EIF4G3: variants seen among roughly 807,000 people sequenced by gnomAD.
EIF4G3 encodes eukaryotic translation initiation factor 4 gamma 3.
Under a neutral mutation model 186.4 loss-of-function variants are expected in EIF4G3, and 34 were observed. The ratio of observed to expected loss-of-function variants is 0.18; its 90% CI spans 0.14 to 0.24. EIF4G3 has a LOEUF of 0.24. Among genes scored for constraint, EIF4G3 ranks in the 10% least tolerant of loss-of-function variants. The pLI, the probability that EIF4G3 is intolerant of heterozygous loss-of-function variation, is 1.00. For missense variants in EIF4G3, 1,536 were observed against 1,948.5 expected (o/e 0.79, Z 3.99); for synonymous variants, 673 against 679.5 (o/e 0.99, Z 0.15).
chr1:20,813,291 C>G, intron 34 of EIF4G3, 52 bp from the exon 35 acceptor site: 1 of 1,371,714 alleles, frequency 7.3e-7, no homozygotes. Flanking sequence ...CAGCCAGGCA[C>G]AGAGGCTCAT....
intron 3 of EIF4G3, among the ~76,000 whole-genome samples, chr1:21,053,111 G>A (rs2094343534): frequency 6.6e-6 from 1 of 151,858 alleles, no homozygotes; most frequent in Non-Finnish European, 1.5e-5. Context: ...TCTCTGCCCG[G>A]CCGCCATCCC....
At chr1:21,145,910 T>C (rs1025321014) in intron 2 of EIF4G3, among the ~76,000 whole-genome samples, 7 of 152,154 alleles carry the variant, frequency 4.6e-5, no homozygotes, top group Non-Finnish European at 8.8e-5. Context: ...CAAGACCTCA[T>C]CTCTACAAAA....
At chr1:21,081,936 G>T (rs560414298) in intron 3 of EIF4G3, among the ~76,000 whole-genome samples, 2 of 151,748 alleles carry the variant, frequency 1.3e-5, no homozygotes, top group Non-Finnish European at 2.9e-5. Flanking sequence ...AGCCAACCAC[G>T]CACAGCCCCA....
chr1:20,889,769 C>T (rs1228962670), intron 18 of EIF4G3, among the ~76,000 whole-genome samples: 3 of 152,112 alleles, frequency 2.0e-5, no homozygotes, highest in Non-Finnish European at 4.4e-5. Context: ...GAATTACAGG[C>T]GTGAACCACC....
At chr1:20,833,720 A>G (rs1007721152) in intron 30 of EIF4G3, among the ~76,000 whole-genome samples, 28 of 152,334 alleles carry the variant, frequency 1.8e-4, no homozygotes, top group Non-Finnish European at 2.1e-4. Context: ...ATATCAATAG[A>G]TGCAGAAAAA....
Position 20,865,251 on chromosome 1 carries a change from G to A in EIF4G3, c.2634C>T (p.Pro878=), listed in dbSNP as rs2077299143. 6.2e-7 allele frequency: 1 copy of A among 1,613,578 alleles called. No homozygotes were observed. The highest frequency in any genetic ancestry group is 1.3e-5 in the African/African-American group (1 of 74,844). ...CTGTGTTACCAGGCTTGTCTGCCAT[G>A]GGTACTTTCAGCTACATCCAGACAG... ...MCRCLVTLKV[P]MADKPGNTVN... Residue 878 remains proline, a synonymous_variant, in exon 21 of 37, where the codon CCC becomes CCT. Transcript: ENST00000602326.
At chr1:20,956,419 CAG>C (rs956689218) in intron 12 of EIF4G3, among the ~76,000 whole-genome samples, 1 of 152,008 alleles carries the variant, frequency 6.6e-6, no homozygotes, top group African/African-American at 2.4e-5. Context: ...AAGACAGAAG[CAG>C]AGAGATGAGT....
chr1:20,952,028 G>C lies in EIF4G3; in HGVS notation c.715-1917C>G, dbSNP rs928618143. ...GTATATAGCCACAAATGCTGGGAAA[G>C]TACTTCTCAGGTCTCACAGCTATGA... is the stretch of plus-strand genomic sequence containing the variant. On this transcript the variant is annotated intron_variant, in intron 12 of 36. Coordinates refer to ENST00000602326, the MANE Select transcript of EIF4G3 (RefSeq NM_001391906.1). Among the ~76,000 whole-genome samples the C allele has an allele frequency of 9.9e-5, 15 of 152,178 alleles. No homozygotes were observed. In the East Asian group the frequency reaches 2.5e-3, roughly 25 times the overall value.
At chr1:21,141,153 C>T (rs1286508961) in intron 2 of EIF4G3, among the ~76,000 whole-genome samples, 3 of 151,772 alleles carry the variant, frequency 2.0e-5, no homozygotes, top group Non-Finnish European at 4.4e-5. Context: ...AATAGAAAAC[C>T]CCAGTGCACA....
intron 4 of EIF4G3, among the ~76,000 whole-genome samples, chr1:21,033,110 T>C (rs2092880799): frequency 1.3e-5 from 2 of 152,318 alleles, no homozygotes; most frequent in Non-Finnish European, 2.9e-5. Flanking sequence ...GACATCAAGG[T>C]AATCACCATG....
intron 14 of EIF4G3, among the ~76,000 whole-genome samples, chr1:20,925,592 G>A (rs1006801572): frequency 6.6e-6 from 1 of 152,158 alleles, no homozygotes; most frequent in Admixed American, 6.5e-5. Context: ...GGAGTGTGGT[G>A]ACACCATCAT....
intron 14 of EIF4G3, among the ~76,000 whole-genome samples, chr1:20,921,135 A>G (rs959388147): frequency 6.6e-6 from 1 of 152,200 alleles, no homozygotes; most frequent in African/African-American, 2.4e-5. Flanking sequence ...TAAATATACC[A>G]TATGCATAAA....
intron 14 of EIF4G3, among the ~76,000 whole-genome samples, chr1:20,923,587 A>G (rs2094639921): frequency 6.6e-6 from 1 of 152,076 alleles, no homozygotes; most frequent in Non-Finnish European, 1.5e-5. Context: ...AACACTTTTC[A>G]TCTCCAAATA....
intron 7 of EIF4G3, among the ~76,000 whole-genome samples, chr1:20,984,834 C>T (rs987550842): frequency 3.3e-5 from 5 of 152,072 alleles, no homozygotes; most frequent in Admixed American, 1.3e-4. Flanking sequence ...GTGATCCGCC[C>T]GCCTCGGCCT....
chr1:20,865,391 T>C, intron 20 of EIF4G3, 129 bp from the exon 21 acceptor site: 1 of 940,852 alleles, frequency 1.1e-6, no homozygotes, highest in South Asian at 1.8e-5. Context: ...AGGCAAACAA[T>C]ATAGCTTCAG....
intron 2 of EIF4G3, among the ~76,000 whole-genome samples, chr1:21,173,617 G>A (rs549649723): frequency 7.2e-5 from 11 of 152,236 alleles, no homozygotes; most frequent in South Asian, 2.1e-4. Flanking sequence ...GAATCCAGCC[G>A]GCGTAGGTTG....
chr1:20,864,094 T>C lies in EIF4G3; in HGVS notation c.3006+382A>G, dbSNP rs567200716. 3.5e-3 allele frequency among the ~76,000 whole-genome samples: 529 copies of C among 152,380 alleles called. 1 individual carries two copies. The highest frequency in any genetic ancestry group is 5.7e-3 in the Non-Finnish European group (386 of 68,040). Reference sequence around the variant, plus strand: ...AATGATTTCTTATATTATGGTTAGATGGCTGTGTCATCAATTAGAGTATAA... The same window carrying C: ...AATGATTTCTTATATTATGGTTAGACGGCTGTGTCATCAATTAGAGTATAA... On this transcript the variant is annotated intron_variant, in intron 22 of 36. Transcript: ENST00000602326.
chr1:21,049,439 G>A (rs2094090373), intron 4 of EIF4G3, among the ~76,000 whole-genome samples: 1 of 152,136 alleles, frequency 6.6e-6, no homozygotes, highest in Non-Finnish European at 1.5e-5. Context: ...TTCAGTCTAA[G>A]AAACCCAACA....
At chr1:21,159,801 C>G (rs1165557920) in intron 2 of EIF4G3, among the ~76,000 whole-genome samples, 1 of 150,888 alleles carries the variant, frequency 6.6e-6, no homozygotes, top group South Asian at 2.1e-4. Context: ...ACTATCTCTA[C>G]AAAAAACTGA....
Sources: gnomAD v4.1 joint callset for allele counts (sites outside exome capture counted in the v4.1 genomes callset) on GRCh38, gnomAD v4.1.1 for gene constraint, MANE v1.5 for transcripts, NCBI Gene and HGNC (gene_info 2026-07-23, HGNC 2026-07-21) for gene names.